The following ULK2 variants were observed in gnomAD, a reference collection of about 807,000 sequenced individuals.
The protein encoded by ULK2 is unc-51 like autophagy activating kinase 2.
Under a neutral mutation model 127.5 loss-of-function variants are expected in ULK2, and 76 were observed. The ratio of observed to expected loss-of-function variants is 0.60; its 90% confidence interval spans 0.50 to 0.72. The LOEUF is 0.72. Among genes scored for constraint, ULK2 ranks in the 30% least tolerant of loss-of-function variants. The pLI, the probability that ULK2 is intolerant of heterozygous loss-of-function variation, is 0.00. For synonymous variants in ULK2, 452 were observed against 461.9 expected (o/e 0.98, Z 0.28); for missense variants, 1,144 against 1,295.9 (o/e 0.88, Z 1.80).
chr17:19,794,610 T>C (rs961277940), intron 20 of ULK2, among the ~76,000 whole-genome samples: 3 of 151,828 alleles, frequency 2.0e-5, no homozygotes, highest in African/African-American at 7.3e-5. Flanking sequence ...GGGAAGAAGA[T>C]AGTACAGTGA....
At chr17:19,858,620 A>G (rs1397571304) in intron 3 of ULK2, among the ~76,000 whole-genome samples, 1 of 152,150 alleles carries the variant, frequency 6.6e-6, no homozygotes, top group African/African-American at 2.4e-5. Context: ...GTCACAGAAG[A>G]AATGTAAAAA....
chr17:19,841,686 G>C (rs1209458277), intron 8 of ULK2, 139 bp from the exon 9 acceptor site: 1 of 594,422 alleles, frequency 1.7e-6, no homozygotes, highest in South Asian at 2.3e-5. Context: ...CAGGAAAGGA[G>C]GGAAAGTATG....
At chr17:19,833,127 G>GAAAAAAAAA (rs71157837) in intron 10 of ULK2, among the ~76,000 whole-genome samples, 11 of 115,476 alleles carry the variant, frequency 9.5e-5, no homozygotes, top group Middle Eastern at 4.4e-3. Context: ...TGTCTCAAAG[G>GAAAAAAAAA]AAAAAAAAAA....
At chr17:19,826,830 G>A (rs1034284730) in intron 10 of ULK2, among the ~76,000 whole-genome samples, 9 of 152,004 alleles carry the variant, frequency 5.9e-5, no homozygotes, top group Admixed American at 4.6e-4. Context: ...GGCGGCCGGC[G>A]CCTGTAGTCC....
intron 20 of ULK2, among the ~76,000 whole-genome samples, chr17:19,791,800 G>T (rs1408988340): frequency 7.0e-6 from 1 of 142,036 alleles, no homozygotes; most frequent in East Asian, 2.0e-4. Context: ...GGAGATTGCA[G>T]TGCACCAAGA....
chr17:19,826,293 T>A (rs2041295017), intron 10 of ULK2, 107 bp from the exon 11 acceptor site: 1 of 564,000 alleles, frequency 1.8e-6, no homozygotes, highest in Non-Finnish European at 3.0e-6. Flanking sequence ...GATCAGAATT[T>A]AACTTCTTTA....
At chr17:19,849,445 G>A (rs1252865096) in intron 4 of ULK2, 40 bp from the exon 5 acceptor site, 4 of 1,551,528 alleles carry the variant, frequency 2.6e-6, no homozygotes, top group South Asian at 1.1e-5. Context: ...TAAGGACAGT[G>A]ATTCAAGATT....
At chr17:19,849,850 A>G (rs967713887) in intron 3 of ULK2, 76 bp from the exon 4 acceptor site, 3 of 874,566 alleles carry the variant, frequency 3.4e-6, no homozygotes, top group African/African-American at 3.5e-5. Flanking sequence ...AGTTAAAAAT[A>G]CCATACTTGT....
At chr17:19,799,083 C>T (rs969333557) in intron 17 of ULK2, among the ~76,000 whole-genome samples, 1 of 151,642 alleles carries the variant, frequency 6.6e-6, no homozygotes, top group Admixed American at 6.6e-5. Context: ...ATTGCTTGAG[C>T]CCAGGAGGTG....
intron 10 of ULK2, among the ~76,000 whole-genome samples, chr17:19,833,439 T>C (rs1256851349): frequency 6.6e-6 from 1 of 151,868 alleles, no homozygotes; most frequent in Non-Finnish European, 1.5e-5. Flanking sequence ...CCAGGCACAG[T>C]GGCTCACGCT....
chr17:19,863,016 C>T (rs533295147), intron 3 of ULK2, among the ~76,000 whole-genome samples: 1 of 152,152 alleles, frequency 6.6e-6, no homozygotes, highest in African/African-American at 2.4e-5. Flanking sequence ...GAGTTCGAGA[C>T]CAGCATGGCT....
At chr17:19,845,182 T>C in intron 7 of ULK2, 122 bp downstream of exon 7, 1 of 806,814 alleles carries the variant, frequency 1.2e-6, no homozygotes, top group Non-Finnish European at 2.0e-6. Flanking sequence ...ATAATTAACA[T>C]TAGTAATAAC....
intron 3 of ULK2, among the ~76,000 whole-genome samples, chr17:19,856,977 C>CAAA (rs1157706276): frequency 1.1e-3 from 23 of 21,300 alleles, no homozygotes; most frequent in East Asian, 2.8e-3. Flanking sequence ...ACTCCATCTC[C>CAAA]AAAAAAAAAA....
intron 22 of ULK2, among the ~76,000 whole-genome samples, 178 bp downstream of exon 22, chr17:19,783,519 G>C (rs2086963447): frequency 6.6e-6 from 1 of 152,112 alleles, no homozygotes; most frequent in Non-Finnish European, 1.5e-5. Flanking sequence ...GCTTATTATG[G>C]ATGAGTGTCA....
rs1269584776 is a variant in ULK2 at position 19,838,510 on chromosome 17, T to C, written c.778A>G (p.Met260Val). ...TAAAACTATTTCTTACCAAAGTCCA[T>C]TCTATCTTTTTGGTTTCTCTGAAGC... Reference protein sequence around the residue: ...GLLQRNQKDRMDFEAFFSHPF... With the variant: ...GLLQRNQKDRVDFEAFFSHPF... Residue 260 changes from methionine to valine, a missense_variant, in exon 10 of 27, where the codon ATG (methionine) becomes GTG (valine). Physicochemically the swap from Met to Val is conservative, Grantham distance 21. Around this residue, in one of 2 missense-constraint regions of ULK2, gnomAD observed 231 missense variants for 325.4 expected, o/e 0.71. Coordinates refer to ENST00000395544, the MANE Select transcript of ULK2 (RefSeq NM_014683.4). 3 of 1,610,944 alleles carry C rather than the reference T, an allele frequency of 1.9e-6. No homozygotes were observed. Among genetic ancestry groups the C allele is most frequent in the South Asian group, 1.1e-5 (1 of 90,208 alleles).
At chr17:19,842,706 G>A (rs928028879) in intron 8 of ULK2, among the ~76,000 whole-genome samples, 2 of 152,174 alleles carry the variant, frequency 1.3e-5, no homozygotes, top group South Asian at 4.2e-4. Context: ...TCCATAAAGT[G>A]TATATAATTA....
chr17:19,823,104 T>C (rs1022100878), intron 12 of ULK2, among the ~76,000 whole-genome samples: 2 of 144,386 alleles, frequency 1.4e-5, no homozygotes, highest in Non-Finnish European at 3.0e-5. Flanking sequence ...GAGTCTACAG[T>C]CATGCCCAGG....
At chr17:19,854,739 A>G (rs1057356956) in intron 3 of ULK2, among the ~76,000 whole-genome samples, 1 of 152,222 alleles carries the variant, frequency 6.6e-6, no homozygotes, top group Non-Finnish European at 1.5e-5. Context: ...GAAATCTTCT[A>G]TAATATGAAA....
At chr17:19,864,148 T>TA (rs1282174826) in intron 3 of ULK2, among the ~76,000 whole-genome samples, 5 of 151,802 alleles carry the variant, frequency 3.3e-5, no homozygotes, top group East Asian at 3.9e-4. Flanking sequence ...CTCTACAAAA[T>TA]AAAAAAAATG....
Sources: allele counts gnomAD v4.1 joint callset (sites outside exome capture counted in the v4.1 genomes callset), GRCh38; gene constraint gnomAD v4.1.1; regional missense constraint gnomAD v4.1.1; transcripts MANE v1.5; gene names NCBI Gene and HGNC (gene_info 2026-07-23, HGNC 2026-07-21).